The following BMAL2 variants were observed in gnomAD, a reference collection of about 807,000 sequenced individuals.
The protein encoded by BMAL2 is basic helix-loop-helix ARNT-like protein 2.
chr12:27,401,207 G>T, the BMAL2 span: 1 of 1,397,230 alleles, frequency 7.2e-7, no homozygotes, highest in Non-Finnish European at 1.0e-6. Flanking sequence ...AGTCTTCTGG[G>T]AGGGAGTACA....
At chr12:27,340,733 A>T in the BMAL2 span, among the ~76,000 whole-genome samples, 8 of 152,144 alleles carry the variant, frequency 5.3e-5, no homozygotes. Context: ...GATTCTTCCT[A>T]TCCATGAGCA....
At chr12:27,362,702 T>C in the BMAL2 span, among the ~76,000 whole-genome samples, 19 of 152,220 alleles carry the variant, frequency 1.2e-4, no homozygotes, top group Non-Finnish European at 2.4e-4. Flanking sequence ...TGATTAGTTT[T>C]ACTTTTTTTT....
At chr12:27,375,821 A>G in the BMAL2 span, among the ~76,000 whole-genome samples, 2 of 152,228 alleles carry the variant, frequency 1.3e-5, no homozygotes, top group African/African-American at 4.8e-5. Flanking sequence ...GCTAGGAACT[A>G]TACTAATGTG....
At chr12:27,372,210 G>C in the BMAL2 span, among the ~76,000 whole-genome samples, 1 of 129,518 alleles carries the variant, frequency 7.7e-6, no homozygotes, top group African/African-American at 3.0e-5. Context: ...CAGCCTGGGT[G>C]ACAGAGAGAG....
chr12:27,402,555 G>A, the BMAL2 span: 4 of 1,300,196 alleles, frequency 3.1e-6, no homozygotes, highest in East Asian at 7.0e-5. Flanking sequence ...AGATCTTAGT[G>A]TAGTTGCTAT....
the BMAL2 span, among the ~76,000 whole-genome samples, chr12:27,362,875 C>T: frequency 1.7e-4 from 26 of 152,124 alleles, no homozygotes; most frequent in African/African-American, 6.3e-4. Context: ...GTGCAGCACA[C>T]TCACTGTAAC....
the BMAL2 span, chr12:27,333,145 G>T: frequency 8.3e-7 from 1 of 1,202,864 alleles, no homozygotes; most frequent in Non-Finnish European, 1.0e-6. Context: ...AGGTGGGCGC[G>T]CGGCGTCTGA....
the BMAL2 span, among the ~76,000 whole-genome samples, chr12:27,333,681 C>G: frequency 6.6e-6 from 1 of 152,242 alleles, no homozygotes; most frequent in African/African-American, 2.4e-5. Flanking sequence ...GGCCACACTC[C>G]GGGATCGCAG....
chr12:27,365,298 G>T, the BMAL2 span, among the ~76,000 whole-genome samples: 1 of 152,002 alleles, frequency 6.6e-6, no homozygotes, highest in Admixed American at 6.5e-5. Context: ...TTACTAATAT[G>T]AAGGCACTCC....
the BMAL2 span, among the ~76,000 whole-genome samples, chr12:27,391,074 T>A: frequency 6.6e-6 from 1 of 152,184 alleles, no homozygotes; most frequent in African/African-American, 2.4e-5. Flanking sequence ...TTTTTAAAAA[T>A]TTTCAACATT....
At chr12:27,411,450 C>CA in the BMAL2 span, among the ~76,000 whole-genome samples, 32 of 144,652 alleles carry the variant, frequency 2.2e-4, no homozygotes, top group Admixed American at 4.1e-4. Context: ...GACCCCATCT[C>CA]AAAAAAAAAA....
chr12:27,355,330 C>T, the BMAL2 span, among the ~76,000 whole-genome samples: 2 of 152,076 alleles, frequency 1.3e-5, no homozygotes, highest in Non-Finnish European at 2.9e-5. Context: ...CTCCATAGAC[C>T]CCTTAATCAG....
At chr12:27,387,716 C>T in the BMAL2 span, among the ~76,000 whole-genome samples, 1 of 152,142 alleles carries the variant, frequency 6.6e-6, no homozygotes, top group Admixed American at 6.5e-5. Flanking sequence ...TGCATGACAG[C>T]CTTTGATCTA....
the BMAL2 span, among the ~76,000 whole-genome samples, chr12:27,405,191 A>C: frequency 3.9e-5 from 6 of 152,132 alleles, no homozygotes; most frequent in Non-Finnish European, 8.8e-5. Flanking sequence ...AGCCAAACAA[A>C]AGGCAGCAGA....
the BMAL2 span, chr12:27,368,203 T>G: frequency 4.4e-6 from 7 of 1,583,420 alleles, no homozygotes; most frequent in Non-Finnish European, 6.0e-6. Context: ...GATATGGATA[T>G]GTACAAAGTA....
the BMAL2 span, among the ~76,000 whole-genome samples, chr12:27,348,591 CTATATA>C: frequency 6.6e-6 from 1 of 151,876 alleles, no homozygotes; most frequent in African/African-American, 2.4e-5. Context: ...GACTTTTCAC[CTATATA>C]TATATTTTCC....
chr12:27,353,381 A>G, the BMAL2 span, among the ~76,000 whole-genome samples: 1 of 152,216 alleles, frequency 6.6e-6, no homozygotes, highest in Non-Finnish European at 1.5e-5. Context: ...CATAAGCAGA[A>G]GATTGAAAGT....
the BMAL2 span, chr12:27,385,437 C>A: frequency 7.5e-7 from 1 of 1,327,560 alleles, no homozygotes; most frequent in Non-Finnish European, 1.1e-6. Flanking sequence ...GCATTTTGCC[C>A]TCTCTACTAT....
At chr12:27,335,145 C>T in the BMAL2 span, among the ~76,000 whole-genome samples, 1 of 152,210 alleles carries the variant, frequency 6.6e-6, no homozygotes, top group Non-Finnish European at 1.5e-5. Flanking sequence ...AAAACAAAAA[C>T]AGGCCTCTGG....
Sources: allele counts gnomAD v4.1 joint callset (sites outside exome capture counted in the v4.1 genomes callset), GRCh38; gene constraint gnomAD v4.1.1; transcripts MANE v1.5; gene names NCBI Gene and HGNC (gene_info 2026-07-23, HGNC 2026-07-21).